FAM81B: variants seen among roughly 807,000 people sequenced by gnomAD.
FAM81B encodes the protein family with sequence similarity 81 member B.
In FAM81B, 60 loss-of-function variants were observed where a neutral mutation model predicts 58.7. The observed-to-expected ratio is 1.02, with a 90% CI of 0.83 to 1.27. The LOEUF is 1.27. Ranked by LOEUF, FAM81B falls within the 50% of genes most tolerant of loss-of-function variation. The pLI, the probability that FAM81B is intolerant of heterozygous loss-of-function variation, is 0.00. For missense variants in FAM81B, 491 were observed against 522.0 expected, an observed-to-expected ratio of 0.94 and a Z score of 0.58; for synonymous variants, 189 against 179.6, an observed-to-expected ratio of 1.05 and a Z score of -0.42.
intron 2 of FAM81B, 131 bp downstream of exon 2, chr5:95,393,028 G>A: frequency 1.3e-6 from 1 of 763,140 alleles, no homozygotes; most frequent in Non-Finnish European, 1.9e-6. Context: ...TTCTGTCTTG[G>A]CAAAATGGCT....
chr5:95,411,170 A>G (rs563193393), intron 3 of FAM81B, among the ~76,000 whole-genome samples: 1 of 152,342 alleles, frequency 6.6e-6, no homozygotes, highest in African/African-American at 2.4e-5. Flanking sequence ...TTTGGGGACT[A>G]TATAAGCAAG....
intron 6 of FAM81B, among the ~76,000 whole-genome samples, chr5:95,429,558 A>C (rs1194512762): frequency 6.6e-6 from 1 of 151,978 alleles, no homozygotes; most frequent in Non-Finnish European, 1.5e-5. Flanking sequence ...CACATAGTTT[A>C]CTCTAGTCCC....
chr5:95,425,483 C>A (rs917556403), intron 5 of FAM81B, among the ~76,000 whole-genome samples: 3 of 152,162 alleles, frequency 2.0e-5, no homozygotes, highest in African/African-American at 7.2e-5. Flanking sequence ...GTTATCTCAA[C>A]TAAGTTACCT....
intron 3 of FAM81B, among the ~76,000 whole-genome samples, chr5:95,409,345 G>C (rs1463844179): frequency 6.6e-6 from 1 of 151,960 alleles, no homozygotes; most frequent in East Asian, 1.9e-4. Flanking sequence ...TTTTAGTAGA[G>C]ATGGGGTTTC....
At chr5:95,449,307 C>A (rs1393164694) in intron 9 of FAM81B, among the ~76,000 whole-genome samples, 5 of 152,076 alleles carry the variant, frequency 3.3e-5, no homozygotes, top group Admixed American at 1.3e-4. Flanking sequence ...TCAACCCTCA[C>A]AATATACCCC....
At chr5:95,416,787 G>A (rs907924814) in intron 4 of FAM81B, among the ~76,000 whole-genome samples, 8 of 152,032 alleles carry the variant, frequency 5.3e-5, no homozygotes, top group East Asian at 1.9e-4. Context: ...TCCTAATGTC[G>A]AAATATCACT....
intron 6 of FAM81B, among the ~76,000 whole-genome samples, chr5:95,433,458 C>A (rs761333091): frequency 2.0e-5 from 3 of 152,140 alleles, no homozygotes; most frequent in Admixed American, 6.5e-5. Context: ...ATGGGAATTA[C>A]AATTCAAGAT....
In FAM81B at chr5:95,448,316, CAAAGT is replaced by C. The variant is rs1745662130; in HGVS notation, c.1079_1083del (p.Lys360ArgfsTer5). On this transcript the variant is annotated frameshift_variant, in exon 9 of 10. Coordinates refer to ENST00000283357, the MANE Select transcript of FAM81B (RefSeq NM_152548.3). LOFTEE classifies it high-confidence loss of function. ...AAGAAAAACTGCTGCAGCTTTCAAG[CAAAGT>C]AGAGAATTTCATTAACACACAGAAA... is the stretch of plus-strand genomic sequence containing the variant. 1 of 1,607,896 alleles carries C rather than the reference CAAAGT, an allele frequency of 6.2e-7. No homozygotes were observed. Among genetic ancestry groups the C allele is most frequent in the Non-Finnish European group, 8.5e-7 (1 of 1,178,350 alleles).
At chr5:95,408,970 G>A (rs906575555) in intron 3 of FAM81B, among the ~76,000 whole-genome samples, 1 of 152,226 alleles carries the variant, frequency 6.6e-6, no homozygotes, top group East Asian at 1.9e-4. Flanking sequence ...CACTTGAAAT[G>A]TGGCTAGTCC....
rs199697879 is a variant in FAM81B at position 95,448,429 on chromosome 5, G to T, written c.1190G>T (p.Gly397Val). The T allele has an allele frequency of 4.3e-6, 7 of 1,609,878 alleles. No individual in the cohort carries two copies. The African/African-American group carries it at 9.4e-5, about 22-fold the overall frequency. ...GAACAAATGGAAAAGCAGATCTGGG[G>T]TGAATTAGAGACAATGCAGAATGAA... ...KMEQMEKQIW[G>V]ELETMQNEYQ... The change falls in exon 9 of 10, where the codon GGT becomes GTT. Residue 397 changes from glycine (G) to valine (V), a missense_variant. By Grantham distance (109) the Gly-to-Val change is moderately radical. Transcript: ENST00000283357.
intron 7 of FAM81B, among the ~76,000 whole-genome samples, chr5:95,441,775 T>C (rs1325089648): frequency 6.6e-6 from 1 of 152,192 alleles, no homozygotes; most frequent in East Asian, 1.9e-4. Flanking sequence ...GACAAAGACA[T>C]GCACTGAACC....
chr5:95,440,410 T>G (rs1467602729), intron 7 of FAM81B: 1 of 668,262 alleles, frequency 1.5e-6, no homozygotes, highest in Non-Finnish European at 2.9e-6. Flanking sequence ...GACGATTACC[T>G]GGTAATGCCT....
chr5:95,414,777 C>T (rs1445075647), intron 4 of FAM81B, among the ~76,000 whole-genome samples: 2 of 152,268 alleles, frequency 1.3e-5, no homozygotes, highest in African/African-American at 2.4e-5. Context: ...AATATAGCCT[C>T]GTAACAGAGG....
Position 95,414,118 on chromosome 5 carries a change from C to T in FAM81B, c.465C>T (p.Leu155=), listed in dbSNP as rs756519259. ...GTHGFRKEES[L]ARKLLESHIQ... is the part of the protein sequence containing the mutation. ...ATGGCTTTCGAAAAGAGGAATCGCT[C>T]GCCAGGAAGTTACTGGAAAGCCACA... Residue 155 remains leucine (L), a synonymous_variant, in exon 4 of 10, where the codon CTC becomes CTT. Transcript: ENST00000283357. 17 of 1,613,914 alleles carry T rather than the reference C, an allele frequency of 1.1e-5. No individual in the cohort carries two copies. The highest frequency in any genetic ancestry group is 5.0e-5 in the Admixed American group (3 of 59,974).
At chr5:95,425,481 A>G (rs997926434) in intron 5 of FAM81B, among the ~76,000 whole-genome samples, 4 of 152,210 alleles carry the variant, frequency 2.6e-5, no homozygotes, top group African/African-American at 9.6e-5. Flanking sequence ...ATGTTATCTC[A>G]ACTAAGTTAC....
chr5:95,437,458 C>T (rs989237134), intron 7 of FAM81B, among the ~76,000 whole-genome samples: 2 of 152,174 alleles, frequency 1.3e-5, no homozygotes, highest in Non-Finnish European at 2.9e-5. Flanking sequence ...CATTCTCCTG[C>T]CTCAGCCTCC....
intron 7 of FAM81B, among the ~76,000 whole-genome samples, chr5:95,438,220 C>A (rs2152769089): frequency 6.6e-6 from 1 of 152,248 alleles, no homozygotes; most frequent in Middle Eastern, 3.4e-3. Flanking sequence ...TCTAAGAAAG[C>A]ATTTCTACTT....
rs7709828 is a variant in FAM81B, at chr5:95,450,438, C to T, written c.*156C>T. ...GAAAAATAATAAAGCAAAGAAGCTT[C>T]GGATGTCTTGAATTTATTAATGAAA... On this transcript the variant is annotated 3_prime_UTR_variant, in exon 10 of 10. Coordinates refer to ENST00000283357, the MANE Select transcript of FAM81B (RefSeq NM_152548.3). 0.16 allele frequency: 202,436 copies of T among 1,265,342 alleles called. 20,343 individuals carry two copies. The highest frequency in any genetic ancestry group is 0.45 in the African/African-American group (28,537 of 63,968). The allele number at this position is 1,265,342 out of a possible 1,614,324, so 78.4% of individuals were successfully genotyped here.
chr5:95,394,034 A>G (rs186360875), intron 2 of FAM81B, among the ~76,000 whole-genome samples: 36 of 152,314 alleles, frequency 2.4e-4, no homozygotes, highest in Non-Finnish European at 3.8e-4. Flanking sequence ...TAAAAATTAC[A>G]TTTAAAAAAT....
Sources: allele counts gnomAD v4.1 joint callset (sites outside exome capture counted in the v4.1 genomes callset), GRCh38; gene constraint gnomAD v4.1.1; transcripts MANE v1.5; gene names NCBI Gene and HGNC (gene_info 2026-07-23, HGNC 2026-07-21).